The following CXCL13 variants were observed in gnomAD, a reference collection of about 807,000 sequenced individuals.
CXCL13 encodes C-X-C motif chemokine ligand 13.
CXCL13 carries 7 observed loss-of-function variants against 12.2 expected under a neutral mutation model. The observed-to-expected ratio is 0.57, with a 90% CI of 0.33 to 1.07. The LOEUF (loss-of-function observed/expected upper bound fraction) is 1.07. Among genes scored for constraint, CXCL13 ranks in the 50% least tolerant of loss-of-function variants. The probability of loss-of-function intolerance (pLI) is 0.04; values close to 1 mark genes in which losing one functional copy is unlikely to be tolerated. For synonymous variants in CXCL13, 47 were observed against 42.4 expected (o/e 1.11, Z -0.42); for missense variants, 113 against 127.4 (o/e 0.89, Z 0.55).
At chr4:77,570,288 G>A (rs1726038207) in intron 1 of CXCL13, among the ~76,000 whole-genome samples, 1 of 152,218 alleles carries the variant, frequency 6.6e-6, no homozygotes, top group Admixed American at 6.5e-5. Context: ...AAACTAAAGA[G>A]CTTCAGCACA....
At chr4:77,579,722 A>T (rs536787896) in intron 1 of CXCL13, among the ~76,000 whole-genome samples, 5 of 152,252 alleles carry the variant, frequency 3.3e-5, no homozygotes, top group Middle Eastern at 3.4e-3. Flanking sequence ...TTTAAAAATG[A>T]TGTACTCAGC....
intron 1 of CXCL13, among the ~76,000 whole-genome samples, chr4:77,514,875 C>G (rs1724376346): frequency 6.6e-6 from 1 of 152,132 alleles, no homozygotes; most frequent in Admixed American, 6.5e-5. Flanking sequence ...ACATGAAGTC[C>G]TTACCCGTGC....
At chr4:77,520,776 G>T (rs1724573045) in intron 1 of CXCL13, among the ~76,000 whole-genome samples, 1 of 152,164 alleles carries the variant, frequency 6.6e-6, no homozygotes, top group Non-Finnish European at 1.5e-5. Context: ...GTGAGAGAGG[G>T]CATCTCTGTC....
At chr4:77,568,074 ATTCTGGAGTTAACCCTGTGAC>A (rs1725979828) in intron 1 of CXCL13, among the ~76,000 whole-genome samples, 1 of 152,172 alleles carries the variant, frequency 6.6e-6, no homozygotes, top group Non-Finnish European at 1.5e-5. Context: ...CTGAACCCCA[ATTCTGGAGTTAACCCTGTGAC>A]ATCATTTCTG....
At chr4:77,535,910 T>C (rs528101474) in intron 1 of CXCL13, among the ~76,000 whole-genome samples, 7 of 152,318 alleles carry the variant, frequency 4.6e-5, no homozygotes, top group Middle Eastern at 3.4e-3. Context: ...TGAATTCCTG[T>C]CCCACAAAAG....
rs534768622 is a variant in CXCL13, at chr4:77,515,156, A to G, written c.-43+3368A>G. Reference sequence around the variant, plus strand: ...ATTTCTGAGGGCTCTGTTCTGTTCCATTGATCTATATCTCTGTTTTAGTAC... The same window carrying G: ...ATTTCTGAGGGCTCTGTTCTGTTCCGTTGATCTATATCTCTGTTTTAGTAC... On this transcript the variant is annotated intron_variant, in intron 1 of 4. Coordinates refer to the CXCL13 transcript ENST00000286758. Among the ~76,000 whole-genome samples, 6 of 152,240 alleles carry G rather than the reference A, an allele frequency of 3.9e-5. No individual in the cohort carries two copies. The East Asian group carries it at 9.6e-4, about 24-fold the overall frequency.
intron 1 of CXCL13, among the ~76,000 whole-genome samples, chr4:77,597,077 C>T (rs1726785174): frequency 6.6e-6 from 1 of 152,106 alleles, no homozygotes; most frequent in African/African-American, 2.4e-5. Flanking sequence ...AAGCATATTG[C>T]ATAATCTCAC....
chr4:77,595,675 C>T (rs1236317610), intron 1 of CXCL13, among the ~76,000 whole-genome samples: 1 of 152,174 alleles, frequency 6.6e-6, no homozygotes, highest in Non-Finnish European at 1.5e-5. Context: ...TCCTGCACCC[C>T]CAAAGAGCAC....
chr4:77,581,593 A>C (rs1241253325), intron 1 of CXCL13, among the ~76,000 whole-genome samples: 1 of 152,146 alleles, frequency 6.6e-6, no homozygotes, highest in Non-Finnish European at 1.5e-5. Flanking sequence ...ACTCCCCATA[A>C]GAGTTAGCAT....
intron 1 of CXCL13, among the ~76,000 whole-genome samples, chr4:77,517,227 C>G (rs552478982): frequency 3.7e-4 from 56 of 152,112 alleles, no homozygotes; most frequent in South Asian, 8.3e-4. Flanking sequence ...TTACTTCCAA[C>G]TATGTGGTCA....
At chr4:77,563,698 T>C (rs995762566) in intron 1 of CXCL13, among the ~76,000 whole-genome samples, 2 of 152,212 alleles carry the variant, frequency 1.3e-5, no homozygotes, top group African/African-American at 2.4e-5. Flanking sequence ...TTCTATGACG[T>C]TTATTAAAAT....
upstream of CXCL13, among the ~76,000 whole-genome samples, chr4:77,601,696 G>A (rs1726883265): frequency 6.6e-6 from 1 of 152,182 alleles, no homozygotes; most frequent in African/African-American, 2.4e-5. Flanking sequence ...ACGTTTTTGT[G>A]TTTTCACAAA....
At chr4:77,520,892 C>A (rs960213592) in intron 1 of CXCL13, among the ~76,000 whole-genome samples, 5 of 152,126 alleles carry the variant, frequency 3.3e-5, no homozygotes, top group Non-Finnish European at 5.9e-5. Context: ...TGTGTTCCAT[C>A]AATATCTAGT....
In CXCL13 at chr4:77,611,696, G is replaced by T; in HGVS notation, c.*657G>T. On this transcript the variant is annotated 3_prime_UTR_variant, in exon 4 of 4. Coordinates refer to ENST00000682537, the MANE Select transcript of CXCL13 (RefSeq NM_001371558.1). ...ATGTATCCTTTCACACATTTGCCTTGACAAACTTCTTTCACTCACATCTTT... is the reference window on the plus strand; with the variant it reads ...ATGTATCCTTTCACACATTTGCCTTTACAAACTTCTTTCACTCACATCTTT... The T allele has an allele frequency of 2.6e-6, 1 of 388,462 alleles. No homozygotes were observed. The highest frequency in any genetic ancestry group is 4.5e-6 in the Non-Finnish European group (1 of 220,910). The allele number at this position is 388,462 out of a possible 1,614,324, so 24.1% of individuals were successfully genotyped here.
intron 1 of CXCL13, among the ~76,000 whole-genome samples, chr4:77,515,088 G>T (rs550701646): frequency 6.6e-6 from 1 of 152,056 alleles, no homozygotes; most frequent in African/African-American, 2.4e-5. Context: ...GCTTGTTTTT[G>T]TCAGGTTTGT....
chr4:77,512,159 AC>A (rs944063914), intron 1 of CXCL13, among the ~76,000 whole-genome samples: 38 of 152,242 alleles, frequency 2.5e-4, no homozygotes, highest in African/African-American at 7.2e-4. Flanking sequence ...TCAATGAGAA[AC>A]AGGGAAACTA....
At chr4:77,528,501 T>A (rs1200592193) in intron 1 of CXCL13, among the ~76,000 whole-genome samples, 1 of 152,218 alleles carries the variant, frequency 6.6e-6, no homozygotes, top group African/African-American at 2.4e-5. Flanking sequence ...CTCATTGTGG[T>A]TTTGATTTGC....
chr4:77,536,091 C>T (rs1277290879), intron 1 of CXCL13, among the ~76,000 whole-genome samples: 1 of 152,118 alleles, frequency 6.6e-6, no homozygotes, highest in Non-Finnish European at 1.5e-5. Context: ...CCAAACCCAA[C>T]TGGAATCCAG....
chr4:77,521,010 G>A lies in CXCL13; in HGVS notation c.-43+9222G>A, dbSNP rs1055385367. ...TTGTCACTGGTTCTGTGTATGTGAT[G>A]GATTATGTTTATTGATTTGCGTATG... On this transcript the variant is annotated intron_variant, in intron 1 of 4. Transcript: ENST00000286758. Among the ~76,000 whole-genome samples, 5 of 152,284 alleles carry A rather than the reference G, an allele frequency of 3.3e-5. No homozygotes were observed. In the South Asian group the frequency reaches 6.2e-4, roughly 19 times the overall value.
Sources: gnomAD v4.1 joint callset for allele counts (sites outside exome capture counted in the v4.1 genomes callset) on GRCh38, gnomAD v4.1.1 for gene constraint, MANE v1.5 for transcripts, NCBI Gene and HGNC (gene_info 2026-07-23, HGNC 2026-07-21) for gene names.